SUCLG2: variants seen among roughly 807,000 people sequenced by gnomAD.
The protein encoded by SUCLG2 is succinate-CoA ligase GDP-forming subunit beta, also known as succinate--CoA ligase [GDP-forming] subunit beta, mitochondrial.
Under a neutral mutation model 47.9 loss-of-function variants are expected in SUCLG2, and 42 were observed. The observed-to-expected ratio is 0.88, with a 90% CI of 0.69 to 1.14. The LOEUF is 1.14. Among genes scored for constraint, SUCLG2 ranks in the 50% most tolerant of loss-of-function variants. SUCLG2 has a pLI of 0.00. For synonymous variants in SUCLG2, 195 were observed against 197.3 expected (o/e 0.99, Z 0.10); for missense variants, 571 against 525.9 (o/e 1.09, Z -0.84).
intron 9 of SUCLG2, among the ~76,000 whole-genome samples, chr3:67,447,008 A>G (rs1703944654): frequency 6.6e-6 from 1 of 152,184 alleles, no homozygotes; most frequent in Non-Finnish European, 1.5e-5. Flanking sequence ...TAGTTTTTTG[A>G]AACAGGTTAA....
At chr3:67,363,171 C>G (rs892533195) in intron 10 of SUCLG2, among the ~76,000 whole-genome samples, 2 of 152,024 alleles carry the variant, frequency 1.3e-5, no homozygotes, top group African/African-American at 4.8e-5. Flanking sequence ...CCAAAAGAAC[C>G]CTGAAATAGT....
At chr3:67,501,894 CT>C (rs1262203428) in intron 7 of SUCLG2, among the ~76,000 whole-genome samples, 1 of 151,968 alleles carries the variant, frequency 6.6e-6, no homozygotes, top group Non-Finnish European at 1.5e-5. Flanking sequence ...TTAAAATATC[CT>C]TTATAAAAAA....
At chr3:67,362,465 A>G (rs536050242) in intron 10 of SUCLG2, among the ~76,000 whole-genome samples, 7 of 152,134 alleles carry the variant, frequency 4.6e-5, no homozygotes, top group Non-Finnish European at 7.4e-5. Context: ...GTGTTACTTT[A>G]TATCAGAGAA....
At chr3:67,596,999 C>A (rs1708308731) in intron 2 of SUCLG2, among the ~76,000 whole-genome samples, 1 of 152,138 alleles carries the variant, frequency 6.6e-6, no homozygotes, top group South Asian at 2.1e-4. Context: ...GAACAAAAAG[C>A]CACTATGGAC....
intron 9 of SUCLG2, among the ~76,000 whole-genome samples, chr3:67,466,422 A>G (rs1345181017): frequency 1.3e-5 from 2 of 152,238 alleles, no homozygotes; most frequent in African/African-American, 4.8e-5. Flanking sequence ...ATGGGCATTA[A>G]CATACTAGGT....
chr3:67,465,391 G>T (rs889693121), intron 9 of SUCLG2, among the ~76,000 whole-genome samples: 2 of 152,134 alleles, frequency 1.3e-5, no homozygotes, highest in East Asian at 3.9e-4. Context: ...TTGCTTTTCC[G>T]CTGCTCTTTT....
intron 9 of SUCLG2, among the ~76,000 whole-genome samples, chr3:67,469,872 C>A (rs893537787): frequency 6.6e-6 from 1 of 151,734 alleles, no homozygotes; most frequent in African/African-American, 2.4e-5. Flanking sequence ...ATGGTGAAAC[C>A]CCATCTCTAC....
intron 7 of SUCLG2, among the ~76,000 whole-genome samples, chr3:67,506,589 C>T (rs916009482): frequency 1.3e-5 from 2 of 152,134 alleles, no homozygotes; most frequent in African/African-American, 4.8e-5. Flanking sequence ...CCCCTGTTCC[C>T]TGAAGCGAGA....
chr3:67,473,002 T>G (rs1704642002), intron 9 of SUCLG2, among the ~76,000 whole-genome samples: 3 of 152,052 alleles, frequency 2.0e-5, no homozygotes, highest in African/African-American at 4.8e-5. Context: ...TTCAGAAAAA[T>G]ATTTAATGAT....
chr3:67,498,604 G>A (rs1349162653), intron 7 of SUCLG2, among the ~76,000 whole-genome samples: 3 of 152,090 alleles, frequency 2.0e-5, no homozygotes, highest in Non-Finnish European at 4.4e-5. Context: ...CATAGATACA[G>A]CTTTGATTCA....
chr3:67,483,661 G>T (rs1043359952), intron 9 of SUCLG2, among the ~76,000 whole-genome samples: 1 of 152,186 alleles, frequency 6.6e-6, no homozygotes, highest in Non-Finnish European at 1.5e-5. Flanking sequence ...AAGAATGCCT[G>T]GCAGGGATGA....
intron 9 of SUCLG2, among the ~76,000 whole-genome samples, chr3:67,403,620 C>T (rs1474787736): frequency 6.6e-6 from 1 of 151,974 alleles, no homozygotes; most frequent in Non-Finnish European, 1.5e-5. Flanking sequence ...ACAGCCAAGA[C>T]CAGGGGAGAG....
rs541127563 is a variant in SUCLG2, at chr3:67,592,305, C to T, written c.226+17150G>A. ...TCAACAAATCTGTGTTCATCATTAT[C>T]ACATTCAAGGGTGCAAGGAAAAACA... On this transcript the variant is annotated intron_variant, in intron 2 of 10. Transcript: ENST00000307227. Among the ~76,000 whole-genome samples the T allele has an allele frequency of 2.0e-5, 3 of 152,310 alleles. No homozygotes were observed. In the South Asian group the frequency reaches 6.2e-4, roughly 32 times the overall value.
At chr3:67,592,701 G>T (rs1173699003) in intron 2 of SUCLG2, among the ~76,000 whole-genome samples, 1 of 107,516 alleles carries the variant, frequency 9.3e-6, no homozygotes, top group African/African-American at 3.8e-5. Flanking sequence ...GTAAGCATAT[G>T]TAACTCTCAC....
At chr3:67,392,102 G>C (rs1294135649) in intron 10 of SUCLG2, among the ~76,000 whole-genome samples, 1 of 152,050 alleles carries the variant, frequency 6.6e-6, no homozygotes, top group African/African-American at 2.4e-5. Context: ...TTTTCTACAT[G>C]TCCTGTTCAT....
intron 4 of SUCLG2, among the ~76,000 whole-genome samples, chr3:67,526,118 A>C (rs535734500): frequency 3.3e-5 from 5 of 152,184 alleles, no homozygotes; most frequent in Non-Finnish European, 7.4e-5. Context: ...CTTCATCCTC[A>C]CATGGCAGAA....
At chr3:67,623,686 T>C (rs765274421) in intron 1 of SUCLG2, among the ~76,000 whole-genome samples, 1 of 152,152 alleles carries the variant, frequency 6.6e-6, no homozygotes, top group East Asian at 1.9e-4. Flanking sequence ...GGGAAAGTAC[T>C]AGATATTTTT....
chr3:67,509,153 C>T (rs1336715370), intron 6 of SUCLG2, among the ~76,000 whole-genome samples: 2 of 152,122 alleles, frequency 1.3e-5, no homozygotes, highest in East Asian at 3.8e-4. Context: ...CGGCCTAAAA[C>T]GTTGTTAATC....
At chr3:67,493,600 T>C (rs1473841647) in intron 9 of SUCLG2, among the ~76,000 whole-genome samples, 2 of 152,176 alleles carry the variant, frequency 1.3e-5, no homozygotes, top group Non-Finnish European at 2.9e-5. Flanking sequence ...AATCCAATGA[T>C]TGTCCTGGTA....
Sources: gnomAD v4.1 joint callset for allele counts (sites outside exome capture counted in the v4.1 genomes callset) on GRCh38, gnomAD v4.1.1 for gene constraint, MANE v1.5 for transcripts, NCBI Gene and HGNC (gene_info 2026-07-23, HGNC 2026-07-21) for gene names.